Variants in SPAG16 observed in about 807,000 individuals in gnomAD.
The protein encoded by SPAG16 is sperm associated antigen 16, also known as sperm-associated antigen 16 protein.
A neutral mutation model predicts 80.4 loss-of-function variants in SPAG16; 86 were observed. The ratio of observed to expected loss-of-function variants is 1.07; its 90% CI spans 0.90 to 1.28. SPAG16 has a LOEUF of 1.28. SPAG16 is among the 50% of genes most tolerant of loss of function. The pLI, the probability that SPAG16 is intolerant of heterozygous loss-of-function variation, is 0.00. For missense variants in SPAG16, 870 were observed against 765.3 expected (o/e 1.14, Z -1.61); for synonymous variants, 294 against 265.9 (o/e 1.11, Z -1.03).
chr2:213,867,928 A>AAAAAAAG (rs2075766798), intron 11 of SPAG16, among the ~76,000 whole-genome samples: 3 of 76,530 alleles, frequency 3.9e-5, no homozygotes, highest in Admixed American at 1.5e-4. Context: ...TGTCTCAACA[A>AAAAAAAG]AAAAAAAAAA....
At chr2:214,143,131 C>CT in intron 14 of SPAG16, among the ~76,000 whole-genome samples, 1 of 150,390 alleles carries the variant, frequency 6.6e-6, no homozygotes, top group Non-Finnish European at 1.5e-5. Flanking sequence ...CTGGCCATTT[C>CT]TTTTTTAACT....
At chr2:213,956,370 A>T (rs1161546956) in intron 12 of SPAG16, among the ~76,000 whole-genome samples, 4 of 149,528 alleles carry the variant, frequency 2.7e-5, no homozygotes, top group African/African-American at 9.9e-5. Flanking sequence ...ATAGTTCCTT[A>T]GTTTGTTCTT....
intron 10 of SPAG16, among the ~76,000 whole-genome samples, chr2:213,632,042 G>C (rs565562508): frequency 6.6e-6 from 1 of 152,138 alleles, no homozygotes; most frequent in Non-Finnish European, 1.5e-5. Flanking sequence ...TTTTCGTAGG[G>C]ATTGCATTGA....
At chr2:214,137,586 T>C (rs2125522382) in intron 14 of SPAG16, among the ~76,000 whole-genome samples, 1 of 152,238 alleles carries the variant, frequency 6.6e-6, no homozygotes, top group East Asian at 1.9e-4. Context: ...TTTAAACTTT[T>C]GTGATATACT....
chr2:214,090,484 G>T (rs2125311056), intron 13 of SPAG16, among the ~76,000 whole-genome samples: 1 of 151,540 alleles, frequency 6.6e-6, no homozygotes, highest in Non-Finnish European at 1.5e-5. Flanking sequence ...CAGTGTCAAG[G>T]GTCAAAGAAA....
chr2:214,268,295 G>GTA (rs1031899647), intron 15 of SPAG16, among the ~76,000 whole-genome samples: 49 of 151,754 alleles, frequency 3.2e-4, no homozygotes, highest in African/African-American at 7.2e-4. Context: ...TCTCAGTACT[G>GTA]TATATATATA....
intron 9 of SPAG16, among the ~76,000 whole-genome samples, chr2:213,459,608 C>T (rs1383133430): frequency 1.3e-5 from 2 of 152,194 alleles, no homozygotes; most frequent in African/African-American, 2.4e-5. Context: ...CTTGGAAGGT[C>T]TTCAGCTTCA....
intron 2 of SPAG16, among the ~76,000 whole-genome samples, chr2:213,296,854 ATT>A (rs1333188807): frequency 6.6e-6 from 1 of 152,220 alleles, no homozygotes; most frequent in Non-Finnish European, 1.5e-5. Flanking sequence ...TCCTTTCAAG[ATT>A]TTAATGCTCA....
chr2:214,299,227 A>G (rs1694366467), intron 15 of SPAG16, among the ~76,000 whole-genome samples: 1 of 151,144 alleles, frequency 6.6e-6, no homozygotes, highest in Admixed American at 6.7e-5. Flanking sequence ...TAGAATCTAA[A>G]AACAAGTGTA....
intron 13 of SPAG16, among the ~76,000 whole-genome samples, chr2:214,033,652 C>T (rs1012855914): frequency 1.3e-5 from 2 of 151,230 alleles, no homozygotes; most frequent in African/African-American, 4.9e-5. Flanking sequence ...ACAGACACTT[C>T]ACCCAGATTT....
At chr2:214,303,107 A>G (rs1243440916) in intron 15 of SPAG16, among the ~76,000 whole-genome samples, 2 of 152,236 alleles carry the variant, frequency 1.3e-5, no homozygotes, top group African/African-American at 2.4e-5. Flanking sequence ...TAAGTGGAGA[A>G]TGTATGCCAA....
intron 3 of SPAG16, among the ~76,000 whole-genome samples, chr2:213,307,675 A>C (rs1302497832): frequency 6.6e-6 from 1 of 151,986 alleles, no homozygotes; most frequent in Admixed American, 6.6e-5. Context: ...TAGCAGCATG[A>C]TTTATAGTCC....
chr2:213,965,283 A>G (rs980856847), intron 12 of SPAG16, among the ~76,000 whole-genome samples: 2 of 152,140 alleles, frequency 1.3e-5, no homozygotes, highest in African/African-American at 2.4e-5. Flanking sequence ...CCTGGGGTTC[A>G]ACTTTTGATT....
intron 11 of SPAG16, among the ~76,000 whole-genome samples, chr2:213,901,096 G>C (rs2077202756): frequency 1.3e-5 from 2 of 152,122 alleles, no homozygotes; most frequent in South Asian, 4.2e-4. Flanking sequence ...GGATAACATA[G>C]GACATGTAAA....
chr2:213,379,056 A>G (rs1480458148), intron 9 of SPAG16, among the ~76,000 whole-genome samples: 1 of 152,202 alleles, frequency 6.6e-6, no homozygotes, highest in East Asian at 1.9e-4. Flanking sequence ...CCAAGTGGCA[A>G]TCTTAACTTT....
At chr2:213,634,473 T>C (rs1310880142) in intron 10 of SPAG16, among the ~76,000 whole-genome samples, 2 of 152,242 alleles carry the variant, frequency 1.3e-5, no homozygotes, top group Non-Finnish European at 2.9e-5. Flanking sequence ...GTTACAGTGT[T>C]ATAATACTGT....
chr2:213,749,260 T>C (rs2067975471), intron 10 of SPAG16, among the ~76,000 whole-genome samples: 1 of 152,164 alleles, frequency 6.6e-6, no homozygotes, highest in South Asian at 2.1e-4. Flanking sequence ...TATTTATGTT[T>C]AATGGTCATT....
At chr2:213,431,058 G>T (rs2070264159) in intron 9 of SPAG16, among the ~76,000 whole-genome samples, 1 of 152,118 alleles carries the variant, frequency 6.6e-6, no homozygotes, top group South Asian at 2.1e-4. Flanking sequence ...TACTAGAAAT[G>T]CTCAAATGAG....
chr2:213,414,258 A>G (rs1000223494), intron 9 of SPAG16, among the ~76,000 whole-genome samples: 19 of 152,184 alleles, frequency 1.2e-4, no homozygotes, highest in African/African-American at 4.1e-4. Context: ...TAATGGATCT[A>G]TGAGCTTTCT....
Sources: allele counts gnomAD v4.1 joint callset (sites outside exome capture counted in the v4.1 genomes callset), GRCh38; gene constraint gnomAD v4.1.1; transcripts MANE v1.5; gene names NCBI Gene and HGNC (gene_info 2026-07-23, HGNC 2026-07-21).